The following ARV1 variants were observed in gnomAD, a reference collection of about 807,000 sequenced individuals.
ARV1 encodes the protein protein ARV1.
Under a neutral mutation model 31.1 loss-of-function variants are expected in ARV1, and 26 were observed. The observed-to-expected ratio is 0.84, with a 90% CI of 0.61 to 1.16. ARV1 has a LOEUF of 1.16. ARV1 is among the 50% of genes most tolerant of loss of function. The probability of loss-of-function intolerance (pLI) is 0.00; values close to 1 mark genes in which losing one functional copy is unlikely to be tolerated. For missense variants in ARV1, 281 were observed against 324.9 expected (o/e 0.86, Z 1.04); for synonymous variants, 117 against 123.2 (o/e 0.95, Z 0.34).
In ARV1 at chr1:230,997,147, T is replaced by G; in HGVS notation, c.700T>G (p.Ser234Ala). ...RVTLNINRKLSFLAVLSGLLL... is the reference protein window; with the variant it reads ...RVTLNINRKLAFLAVLSGLLL... ...GACCCTAAACATCAACCGTAAGCTC[T>G]CCTTCTTGGCCGTGTTGAGTGGCTT... The change falls in exon 5 of 6, where the codon TCC becomes GCC. Residue 234 changes from serine to alanine, a missense_variant. Physicochemically the swap from Ser to Ala is moderately conservative, Grantham distance 99. Transcript: ENST00000310256. 6.2e-7 allele frequency: 1 copy of G among 1,614,162 alleles called. No homozygotes were observed. The highest frequency in any genetic ancestry group is 8.5e-7 in the Non-Finnish European group (1 of 1,179,994).
chr1:230,997,407 CA>C, intron 5 of ARV1, 140 bp downstream of exon 5: 4 of 1,016,920 alleles, frequency 3.9e-6, no homozygotes, highest in Non-Finnish European at 5.7e-6. Flanking sequence ...TCATCTTCCT[CA>C]AGGACTTTAC....
chr1:230,992,955 A>G (rs1679266040), intron 3 of ARV1, among the ~76,000 whole-genome samples: 1 of 152,244 alleles, frequency 6.6e-6, no homozygotes, highest in African/African-American at 2.4e-5. Flanking sequence ...TTTGAAATAT[A>G]CAAAAGAATA....
chr1:230,979,367 C>A, intron 1 of ARV1, 88 bp downstream of exon 1: 1 of 1,459,818 alleles, frequency 6.9e-7, no homozygotes, highest in Non-Finnish European at 9.4e-7. Context: ...CTGATACAGT[C>A]TTTAGTTCGG....
chr1:230,989,908 G>GA (rs1003454379), intron 2 of ARV1, among the ~76,000 whole-genome samples: 4 of 152,018 alleles, frequency 2.6e-5, no homozygotes, highest in African/African-American at 7.2e-5. Flanking sequence ...TTTAAATTTT[G>GA]AAAAAAATCT....
chr1:230,996,052 G>T, intron 4 of ARV1, 68 bp downstream of exon 4: 1 of 1,369,972 alleles, frequency 7.3e-7, no homozygotes, highest in Non-Finnish European at 1.0e-6. Context: ...CTTGTTTCTG[G>T]GGTGCAGTTT....
At chr1:230,997,036 A>G in intron 4 of ARV1, 85 bp from the exon 5 acceptor site, 1 of 1,493,538 alleles carries the variant, frequency 6.7e-7, no homozygotes, top group African/African-American at 1.4e-5. Context: ...AAACAGCTTT[A>G]CAAAACAATT....
chr1:230,986,043 A>G (rs974341219), intron 1 of ARV1, among the ~76,000 whole-genome samples: 2 of 151,258 alleles, frequency 1.3e-5, no homozygotes, highest in Admixed American at 1.3e-4. Flanking sequence ...CTCATCCTGT[A>G]GTTGCTGGGA....
chr1:230,985,120 C>T (rs962811348), intron 1 of ARV1, among the ~76,000 whole-genome samples: 3 of 152,092 alleles, frequency 2.0e-5, no homozygotes, highest in Non-Finnish European at 4.4e-5. Flanking sequence ...TTCAAAGTAA[C>T]GAGTTAGAGT....
Position 230,990,237 on chromosome 1 carries a change from A to G in ARV1, c.422A>G (p.Tyr141Cys), listed in dbSNP as rs747488215. 3 of 1,612,970 alleles carry G rather than the reference A, an allele frequency of 1.9e-6. No homozygotes were observed. The highest frequency in any genetic ancestry group is 4.5e-5 in the East Asian group (2 of 44,830). The change falls in exon 3 of 6, where the codon TAT becomes TGT. Residue 141 changes from tyrosine (Y) to cysteine (C), a missense_variant. Transcript: ENST00000310256. The part of the protein sequence containing the change: ...LIRYAKEWDF[Y>C]RMFAIAALEQ... Reference sequence around the variant, plus strand: ...AGATATGCTAAGGAATGGGATTTCTATAGAATGTTTGCGATTGCTGCTTTA... The same window carrying G: ...AGATATGCTAAGGAATGGGATTTCTGTAGAATGTTTGCGATTGCTGCTTTA...
intron 5 of ARV1, chr1:230,999,855 A>G (rs1198566302): frequency 1.3e-5 from 2 of 152,220 alleles, no homozygotes; most frequent in African/African-American, 4.8e-5. Context: ...CTGACAATCA[A>G]TTATAATTTA....
intron 1 of ARV1, among the ~76,000 whole-genome samples, chr1:230,980,537 A>G (rs1326710550): frequency 2.0e-5 from 3 of 152,094 alleles, no homozygotes; most frequent in Middle Eastern, 3.4e-3. Flanking sequence ...AGGTTTCACC[A>G]TGTTGACCAG....
At chr1:230,984,771 A>G (rs548077080) in intron 1 of ARV1, among the ~76,000 whole-genome samples, 1 of 152,384 alleles carries the variant, frequency 6.6e-6, no homozygotes, top group Admixed American at 6.5e-5. Flanking sequence ...CAAGAAGAGC[A>G]ACGGTACCAG....
chr1:230,988,169 C>A, intron 1 of ARV1, 151 bp from the exon 2 acceptor site: 1 of 583,174 alleles, frequency 1.7e-6, no homozygotes, highest in Non-Finnish European at 2.9e-6. Flanking sequence ...TATAGATGAA[C>A]ATTTTGTATC....
chr1:230,984,363 C>CGT (rs34285543), intron 1 of ARV1, among the ~76,000 whole-genome samples: 5,379 of 129,740 alleles, frequency 0.041, 140 homozygotes, highest in Non-Finnish European at 0.051. Flanking sequence ...TGTGTGTGTG[C>CGT]GTGTGTGTGT....
chr1:230,987,229 A>G (rs1272770555), intron 1 of ARV1, among the ~76,000 whole-genome samples: 1 of 152,208 alleles, frequency 6.6e-6, no homozygotes, highest in African/African-American at 2.4e-5. Context: ...AGACAAAGGG[A>G]TGATTCACAT....
chr1:230,979,168 G>T lies in ARV1; in HGVS notation c.63G>T (p.Ala21=). 5.6e-6 allele frequency: 9 copies of T among 1,613,168 alleles called. No homozygotes were observed. Among genetic ancestry groups the T allele is most frequent in the Non-Finnish European group, 6.8e-6 (8 of 1,179,700 alleles). ...AGGGGAACGTGGATGGGGTGGCAGC[G>T]ACTCCTACTGCTGCCTCGGCCTCCT... ...QGKGNVDGVA[A]TPTAASASCQ... is the part of the protein sequence containing the mutation. Residue 21 remains alanine (A), a synonymous_variant, in exon 1 of 6, where the codon GCG becomes GCT. Transcript: ENST00000310256.
chr1:230,990,709 C>T (rs771402363), intron 3 of ARV1: 3 of 269,874 alleles, frequency 1.1e-5, no homozygotes, highest in East Asian at 1.4e-4. Flanking sequence ...GTATGCACCA[C>T]CACACCATGC....
chr1:230,998,143 C>T, intron 5 of ARV1, among the ~76,000 whole-genome samples: 1 of 152,136 alleles, frequency 6.6e-6, no homozygotes. Flanking sequence ...GTGGGTGTTC[C>T]CCTCCCTCCA....
intron 3 of ARV1, among the ~76,000 whole-genome samples, chr1:230,993,998 G>C (rs917602817): frequency 6.6e-6 from 1 of 152,226 alleles, no homozygotes; most frequent in African/African-American, 2.4e-5. Context: ...AGGTAGGTAG[G>C]TTAGGGGTTC....
Sources: gnomAD v4.1 joint callset for allele counts (sites outside exome capture counted in the v4.1 genomes callset) on GRCh38, gnomAD v4.1.1 for gene constraint, MANE v1.5 for transcripts, NCBI Gene and HGNC (gene_info 2026-07-23, HGNC 2026-07-21) for gene names.